The following ADAMTSL4 variants were observed in gnomAD, a reference collection of about 807,000 sequenced individuals.
ADAMTSL4 encodes ADAMTS like 4.
In ADAMTSL4, 97 loss-of-function variants were observed where a neutral mutation model predicts 122.8. The observed-to-expected ratio is 0.79, with a 90% CI of 0.67 to 0.93. The LOEUF (loss-of-function observed/expected upper bound fraction) is 0.93. Among genes scored for constraint, ADAMTSL4 ranks in the 40% least tolerant of loss-of-function variants. ADAMTSL4 has a pLI of 0.00. For missense variants in ADAMTSL4, 1,408 were observed against 1,453.5 expected (o/e 0.97, Z 0.51); for synonymous variants, 592 against 568.0 (o/e 1.04, Z -0.60).
At chr1:150,555,838 C>CACACACATGTAG (rs935584772) in intron 8 of ADAMTSL4, 2 of 613,640 alleles carry the variant, frequency 3.3e-6, no homozygotes, top group Non-Finnish European at 5.9e-6. Context: ...CAGACACATG[C>CACACACATGTAG]ACACACATGT....
chr1:150,560,434 T>A lies in ADAMTSL4; in HGVS notation c.*238T>A, dbSNP rs189955952. 1.3e-5 allele frequency: 8 copies of A among 607,642 alleles called. No individual in the cohort carries two copies. The highest frequency in any genetic ancestry group is 1.3e-4 in the African/African-American group (7 of 54,150). The allele number at this position is 607,642 out of a possible 1,614,324, so 37.6% of individuals were successfully genotyped here. Reference sequence around the variant, plus strand: ...AGGTGTGCTTTTGGGACTGCATGGATATGTGTGTGCTCAAACGTGTATCAC... The same window carrying A: ...AGGTGTGCTTTTGGGACTGCATGGAAATGTGTGTGCTCAAACGTGTATCAC... On this transcript the variant is annotated 3_prime_UTR_variant, in exon 19 of 19. Transcript: ENST00000271643.
rs757026814 is a variant in ADAMTSL4 at position 150,556,695 on chromosome 1, G to T, written c.1651G>T (p.Gly551Cys). 1.9e-6 allele frequency: 3 copies of T among 1,613,922 alleles called. No homozygotes were observed. The highest frequency in any genetic ancestry group is 1.3e-5 in the African/African-American group (1 of 74,884). The change falls in exon 10 of 19, where the codon GGC becomes TGC. Residue 551 changes from glycine to cysteine, a missense_variant. Transcript: ENST00000271643. This position sits in a 1 kb window ranked among gnomAD's most constrained non-coding sequence, Gnocchi z 4.1. ...GGATCCCCCTGGGTCCTACAGGGCC[G>T]GCGGGACCGTCTTTCGATATAACCG... Reference protein sequence around the residue: ...AVDPPGSYRAGGTVFRYNRPP... With the variant: ...AVDPPGSYRACGTVFRYNRPP...
chr1:150,552,542 G>A lies in ADAMTSL4; in HGVS notation c.21-1G>A. 6.2e-7 allele frequency: 1 copy of A among 1,614,050 alleles called. No individual in the cohort carries two copies. The highest frequency in any genetic ancestry group is 8.5e-7 in the Non-Finnish European group (1 of 1,179,974). On this transcript the variant is annotated splice_acceptor_variant, in intron 3 of 18. Coordinates refer to ENST00000271643, the MANE Select transcript of ADAMTSL4 (RefSeq NM_019032.6). LOFTEE classifies it high-confidence loss of function. This position sits in a 1 kb window ranked among gnomAD's most constrained non-coding sequence, Gnocchi z 4.0. ...TCCCTCCCCTGGCCTTTGGTTTGCAGGCCCTGGCTGTATCTGCTGCTGCTT... is the reference window on the plus strand; with the variant it reads ...TCCCTCCCCTGGCCTTTGGTTTGCAAGCCCTGGCTGTATCTGCTGCTGCTT...
chr1:150,555,587 G>T, intron 8 of ADAMTSL4, 22 bp downstream of exon 8: 7 of 1,606,062 alleles, frequency 4.4e-6, no homozygotes, highest in Non-Finnish European at 5.1e-6. Context: ...CAGTGTGTGT[G>T]TGCACACACA....
chr1:150,551,404 T>C, intron 2 of ADAMTSL4: 1 of 208,002 alleles, frequency 4.8e-6, no homozygotes, highest in Non-Finnish European at 1.0e-5. Flanking sequence ...AAAGAGCTTA[T>C]CTAAGAAGGG....
chr1:150,554,756 G>A lies in ADAMTSL4; in HGVS notation c.1234+289G>A. ...GGCTGTGACACAAGAGGGCCATGGT[G>A]GGAGAGATCCTGTCCAGCCGTGACA... is the stretch of plus-strand genomic sequence containing the variant. On this transcript the variant is annotated intron_variant, in intron 7 of 18. Coordinates refer to ENST00000271643, the MANE Select transcript of ADAMTSL4 (RefSeq NM_019032.6). This position sits in a 1 kb window ranked among gnomAD's most constrained non-coding sequence, Gnocchi z 4.0. 1 of 1,187,636 alleles carries A rather than the reference G, an allele frequency of 8.4e-7. No individual in the cohort carries two copies. The highest frequency in any genetic ancestry group is 2.6e-5 in the East Asian group (1 of 38,966). The allele number at this position is 1,187,636 out of a possible 1,614,324, so 73.6% of individuals were successfully genotyped here. A position where few individuals can be genotyped will look rare whatever the true frequency, so the allele number is the denominator to read the frequency against.
chr1:150,559,475 C>G lies in ADAMTSL4; in HGVS notation c.2943+9C>G. ...CCACGCCCTGGAGCCCAGTGAGTGT[C>G]TGGCTGCGCTGTCCTGCCCTGCTCA... is the stretch of plus-strand genomic sequence containing the variant. On this transcript the variant is annotated intron_variant, in intron 17 of 18. Transcript: ENST00000271643. This position sits in a 1 kb window ranked among gnomAD's most constrained non-coding sequence, Gnocchi z 4.1. 1 of 1,612,924 alleles carries G rather than the reference C, an allele frequency of 6.2e-7. No individual in the cohort carries two copies. Among genetic ancestry groups the G allele is most frequent in the Non-Finnish European group, 8.5e-7 (1 of 1,179,996 alleles).
chr1:150,554,214 A>C lies in ADAMTSL4; in HGVS notation c.1131+92A>C. 1 of 1,502,470 alleles carries C rather than the reference A, an allele frequency of 6.7e-7. No individual in the cohort carries two copies. Among genetic ancestry groups the C allele is most frequent in the Non-Finnish European group, 9.1e-7 (1 of 1,095,410 alleles). 93.1% of individuals were successfully genotyped at this position (1,502,470 alleles called of 1,614,324 possible). A position where few individuals can be genotyped will look rare whatever the true frequency, so the allele number is the denominator to read the frequency against. On this transcript the variant is annotated intron_variant, in intron 6 of 18. Coordinates refer to ENST00000271643, the MANE Select transcript of ADAMTSL4 (RefSeq NM_019032.6). The surrounding 1 kb of genome is among the most constrained non-coding windows in gnomAD (Gnocchi z 4.0). ...GTCTTCAGCTTCCGCTTGGCACCTG[A>C]GGGAGAAGGGCCTTGGCATCTGACC...
In ADAMTSL4 at chr1:150,552,658, A is replaced by G. The variant is rs1428623941; in HGVS notation, c.78+58A>G. 9.6e-6 allele frequency: 15 copies of G among 1,564,728 alleles called. No individual in the cohort carries two copies. Among genetic ancestry groups the G allele is most frequent in the Non-Finnish European group, 1.3e-5 (15 of 1,153,164 alleles). On this transcript the variant is annotated intron_variant, in intron 4 of 18. Transcript: ENST00000271643. The surrounding 1 kb of genome is among the most constrained non-coding windows in gnomAD (Gnocchi z 4.0). The stretch of plus-strand genomic sequence containing the variant: ...GCCTGCCACCCTTTCATCTCCCCCT[A>G]GGCTCCCACCCCATCTCTCCAGGCC...
rs775722713 is a variant in ADAMTSL4, at chr1:150,558,126, G to A, written c.2359G>A (p.Glu787Lys). ...CCAGCTGCGCCTCTGTGGCCATTGG[G>A]AAGTTGGCTCTCCTTGGAGCCAGGT... ...SCQLRLCGHWEVGSPWSQCSV... is the reference protein window; with the variant it reads ...SCQLRLCGHWKVGSPWSQCSV... The change falls in exon 14 of 19, where the codon GAA becomes AAA. Residue 787 changes from glutamate (E) to lysine (K), a missense_variant. Transcript: ENST00000271643. The A allele has an allele frequency of 1.9e-6, 3 of 1,613,342 alleles. No homozygotes were observed. The highest frequency in any genetic ancestry group is 1.7e-6 in the Non-Finnish European group (2 of 1,180,050).
Position 150,552,844 on chromosome 1 carries a change from C to G in ADAMTSL4, c.79-54C>G. On this transcript the variant is annotated intron_variant, in intron 4 of 18. Coordinates refer to ENST00000271643, the MANE Select transcript of ADAMTSL4 (RefSeq NM_019032.6). The surrounding 1 kb of genome is among the most constrained non-coding windows in gnomAD (Gnocchi z 4.0). Reference sequence around the variant, plus strand: ...CTCAGTGTTGGTCTACATGGACACTCTGGACAGTTCCCTCTAATCCTTCCA... The same window carrying G: ...CTCAGTGTTGGTCTACATGGACACTGTGGACAGTTCCCTCTAATCCTTCCA... 1 of 1,569,790 alleles carries G rather than the reference C, an allele frequency of 6.4e-7. No individual in the cohort carries two copies. The highest frequency in any genetic ancestry group is 8.7e-7 in the Non-Finnish European group (1 of 1,147,068).
intron 2 of ADAMTSL4, chr1:150,550,307 C>T: frequency 2.2e-6 from 1 of 447,166 alleles, no homozygotes; most frequent in Non-Finnish European, 4.4e-6. Context: ...TGTGTTTCTG[C>T]AGAGGAGGGG....
At position 150,558,536 on chromosome 1, in the gene ADAMTSL4, G is replaced by A. The variant is rs1672445517; in HGVS notation, c.2446G>A (p.Asp816Asn). 1 of 1,613,806 alleles carries A rather than the reference G, an allele frequency of 6.2e-7. No individual in the cohort carries two copies. Among genetic ancestry groups the A allele is most frequent in the Non-Finnish European group, 8.5e-7 (1 of 1,179,910 alleles). Reference protein sequence around the residue: ...RQVRCVGNNGDEVSEQECASG... With the variant: ...RQVRCVGNNGNEVSEQECASG... The stretch of plus-strand genomic sequence containing the variant: ...GGTTCGCTGTGTTGGGAACAATGGT[G>A]ATGAAGTGAGCGAGCAGGAGTGTGC... Residue 816 changes from aspartate to asparagine, a missense_variant, in exon 15 of 19, where the codon GAT becomes AAT. Physicochemically the swap from Asp to Asn is conservative, Grantham distance 23. Transcript: ENST00000271643.
Position 150,554,934 on chromosome 1 carries a change from C to T in ADAMTSL4, c.1234+467C>T, listed in dbSNP as rs1282983616. Among the ~76,000 whole-genome samples, 2 of 151,486 alleles carry T rather than the reference C, an allele frequency of 1.3e-5. No homozygotes were observed. Among genetic ancestry groups the T allele is most frequent in the East Asian group, 3.9e-4 (2 of 5,178 alleles). On this transcript the variant is annotated intron_variant, in intron 7 of 18. Transcript: ENST00000271643. This position sits in a 1 kb window ranked among gnomAD's most constrained non-coding sequence, Gnocchi z 4.0. Reference sequence around the variant, plus strand: ...GAATCATGGGCATCAGGGATTGCTCCTCTCTCAGTTCAGAGTCCCCTTGAT... The same window carrying T: ...GAATCATGGGCATCAGGGATTGCTCTTCTCTCAGTTCAGAGTCCCCTTGAT...
Position 150,557,629 on chromosome 1 carries a change from T to C in ADAMTSL4, c.2177+6T>C. 6.3e-7 allele frequency: 1 copy of C among 1,599,052 alleles called. No homozygotes were observed. The highest frequency in any genetic ancestry group is 8.5e-7 in the Non-Finnish European group (1 of 1,173,154). ...GGCACCCCATGCCCCCCATAGTGAG[T>C]ATGGGGGAGCCCACGGGGAGGGTTA... On this transcript the variant is annotated splice_donor_region_variant and intron_variant, in intron 13 of 18. Transcript: ENST00000271643.
At position 150,558,535 on chromosome 1, in the gene ADAMTSL4, T is replaced by C; in HGVS notation, c.2445T>C (p.Gly815=). 6.2e-6 allele frequency: 10 copies of C among 1,613,626 alleles called. No individual in the cohort carries two copies. The highest frequency in any genetic ancestry group is 7.6e-6 in the Non-Finnish European group (9 of 1,179,872). ...AGGTTCGCTGTGTTGGGAACAATGG[T>C]GATGAAGTGAGCGAGCAGGAGTGTG... ...SRQVRCVGNN[G]DEVSEQECAS... is the part of the protein sequence containing the mutation. The change falls in exon 15 of 19, where the codon GGT becomes GGC. Residue 815 remains glycine, a synonymous_variant. Coordinates refer to ENST00000271643, the MANE Select transcript of ADAMTSL4 (RefSeq NM_019032.6).
chr1:150,558,570 C>T lies in ADAMTSL4; in HGVS notation c.2480C>T (p.Pro827Leu), dbSNP rs146452550. The change falls in exon 15 of 19, where the codon CCC becomes CTC. Residue 827 changes from proline to leucine, a missense_variant. By Grantham distance (98) the Pro-to-Leu change is moderately conservative (BLOSUM62 -3). Transcript: ENST00000271643. Reference sequence around the variant, plus strand: ...AGCGAGCAGGAGTGTGCGTCAGGCCCCCCGCAGCCCCCCAGCAGAGAGGCC... The same window carrying T: ...AGCGAGCAGGAGTGTGCGTCAGGCCTCCCGCAGCCCCCCAGCAGAGAGGCC... ...EVSEQECASG[P>L]PQPPSREACD... The T allele has an allele frequency of 6.4e-5, 104 of 1,613,252 alleles. 2 individuals are homozygous for T. In the Middle Eastern group the frequency reaches 2.0e-3, roughly 31 times the overall value.
Position 150,556,872 on chromosome 1 carries a change from GGA to G in ADAMTSL4, c.1750-59_1750-58del, listed in dbSNP as rs1176433799. 4 of 1,611,394 alleles carry G rather than the reference GGA, an allele frequency of 2.5e-6. No homozygotes were observed. Among genetic ancestry groups the G allele is most frequent in the African/African-American group, 2.7e-5 (2 of 74,886 alleles). Reference sequence around the variant, plus strand: ...GGGCAGAGCTGTGGTTGTCAAGATGGGAGAGAGAGCTGGTGGCATCCTCTTCT... The same window carrying G: ...GGGCAGAGCTGTGGTTGTCAAGATGGGAGAGAGCTGGTGGCATCCTCTTCT... On this transcript the variant is annotated intron_variant, in intron 10 of 18. Coordinates refer to ENST00000271643, the MANE Select transcript of ADAMTSL4 (RefSeq NM_019032.6). This position sits in a 1 kb window ranked among gnomAD's most constrained non-coding sequence, Gnocchi z 4.1.
chr1:150,558,315 G>A (rs746221240), intron 14 of ADAMTSL4, 158 bp from the exon 15 acceptor site: 8 of 1,509,844 alleles, frequency 5.3e-6, no homozygotes, highest in Non-Finnish European at 7.1e-6. Flanking sequence ...GGGACTGGGG[G>A]CCCAGGGCCC....
Sources: gnomAD v4.1 joint callset for allele counts (sites outside exome capture counted in the v4.1 genomes callset) on GRCh38, gnomAD v4.1.1 for gene constraint, Gnocchi (gnomAD v3.1) non-coding constraint, MANE v1.5 for transcripts, NCBI Gene and HGNC (gene_info 2026-07-23, HGNC 2026-07-21) for gene names.